CAPRIN2: variants seen among roughly 807,000 people sequenced by gnomAD.
CAPRIN2 encodes the protein caprin-2.
In CAPRIN2, 66 loss-of-function variants were observed where a neutral mutation model predicts 130.4. The ratio of observed to expected loss-of-function variants is 0.51; its 90% CI spans 0.42 to 0.62. CAPRIN2 has a LOEUF of 0.62. Among genes scored for constraint, CAPRIN2 ranks in the 20% least tolerant of loss-of-function variants. CAPRIN2 has a pLI of 0.00. For synonymous variants in CAPRIN2, 471 were observed against 444.1 expected (o/e 1.06, Z -0.76); for missense variants, 1,185 against 1,246.6 (o/e 0.95, Z 0.74).
At chr12:30,711,297 T>A (rs1394202048) in intron 16 of CAPRIN2, among the ~76,000 whole-genome samples, 1 of 152,208 alleles carries the variant, frequency 6.6e-6, no homozygotes, top group Non-Finnish European at 1.5e-5. Flanking sequence ...GAAATCAGCA[T>A]AGTGAATATA....
intron 2 of CAPRIN2, among the ~76,000 whole-genome samples, chr12:30,749,842 T>C (rs2072823601): frequency 6.6e-6 from 1 of 152,210 alleles, no homozygotes; most frequent in Non-Finnish European, 1.5e-5. Flanking sequence ...AAGCAACATG[T>C]GGCTATAAAG....
chr12:30,725,455 C>T (rs1345791685), intron 9 of CAPRIN2, among the ~76,000 whole-genome samples: 1 of 152,184 alleles, frequency 6.6e-6, no homozygotes, highest in Non-Finnish European at 1.5e-5. Context: ...TACTTTAGCC[C>T]TCAGTAATCT....
intron 5 of CAPRIN2, among the ~76,000 whole-genome samples, chr12:30,733,152 A>C (rs1215994696): frequency 6.6e-6 from 1 of 152,136 alleles, no homozygotes; most frequent in Non-Finnish European, 1.5e-5. Flanking sequence ...CATTTGGCCA[A>C]AGTCTATTTA....
At chr12:30,731,610 A>G (rs2062714076) in intron 5 of CAPRIN2, 100 bp from the exon 7 acceptor site, 1 of 925,326 alleles carries the variant, frequency 1.1e-6, no homozygotes, top group African/African-American at 1.7e-5. Context: ...CATTGTTACA[A>G]TAGTTTACAT....
exon 6 of CAPRIN2, chr12:30,731,436 C>T (rs746774720): frequency 1.2e-6 from 2 of 1,612,864 alleles, no homozygotes; most frequent in African/African-American, 2.7e-5. Context: ...TTTTCCTTGG[C>T]ATTTTTGGGA....
At chr12:30,721,229 G>C (rs899720874) in intron 11 of CAPRIN2, among the ~76,000 whole-genome samples, 1 of 152,126 alleles carries the variant, frequency 6.6e-6, no homozygotes, top group Non-Finnish European at 1.5e-5. Context: ...GTCCAGGCCT[G>C]GTCACCAAAA....
At chr12:30,728,718 C>T in exon 8 of CAPRIN2, 1 of 1,614,106 alleles carries the variant, frequency 6.2e-7, no homozygotes, top group Non-Finnish European at 8.5e-7. Flanking sequence ...TGTAGCTACT[C>T]CCCAGGACTT....
chr12:30,728,750 T>C lies in CAPRIN2; in HGVS notation c.1680A>G (p.Thr560=), dbSNP rs2061688160. 6.2e-6 allele frequency: 10 copies of C among 1,614,172 alleles called. No homozygotes were observed. In the East Asian group the frequency reaches 2.0e-4, roughly 32 times the overall value. Residue 560 remains threonine, a synonymous_variant, in exon 8 of 17, where the codon ACA becomes ACG. Coordinates refer to ENST00000298892, the Ensembl canonical transcript of CAPRIN2. ...ACTTTGGAGAAATCTGTGACTGTGA[T>C]GTTAAAGAGTGTTTTTGACTCTCAA...
At position 30,729,099 on chromosome 12, in the gene CAPRIN2, T is replaced by C. The variant is rs1212415621; in HGVS notation, c.1331A>G (p.Gln444Arg). ...AGTAGACCTGAGTTTTGAGGTGTCT[T>C]GTTTCCTCTGTTCTAAGGAAACTGC... The change falls in exon 8 of 17, where the codon CAA (glutamine) becomes CGA (arginine). Residue 444 changes from glutamine (Q) to arginine (R), a missense_variant. By Grantham distance (43) the Gln-to-Arg change is conservative. Around this residue, in one of 2 missense-constraint regions of CAPRIN2, gnomAD observed 1,104 missense variants for 1,104.3 expected, o/e 1.00. Coordinates refer to ENST00000298892, the Ensembl canonical transcript of CAPRIN2. 5 of 1,614,062 alleles carry C rather than the reference T, an allele frequency of 3.1e-6. No individual in the cohort carries two copies. Among genetic ancestry groups the C allele is most frequent in the Non-Finnish European group, 3.4e-6 (4 of 1,180,034 alleles).
At chr12:30,737,698 C>G (rs1006601310) in intron 3 of CAPRIN2, among the ~76,000 whole-genome samples, 1 of 151,008 alleles carries the variant, frequency 6.6e-6, no homozygotes, top group Non-Finnish European at 1.5e-5. Flanking sequence ...CCCGGGTTCA[C>G]GCCATTCTCC....
chr12:30,753,337 AAGTTAC>A lies in CAPRIN2; in HGVS notation c.420+1_420+6del. The stretch of plus-strand genomic sequence containing the variant: ...TGCATCTACAGGACTGGAAGAAAAA[AAGTTAC>A]CTTCTTTTTCTCGATGTTTCTAATT... On this transcript the variant is annotated splice_donor_variant and splice_donor_5th_base_variant and intron_variant, in intron 1 of 16. Transcript: ENST00000298892. LOFTEE classifies it high-confidence loss of function. 6.3e-7 allele frequency: 1 copy of A among 1,598,910 alleles called. No homozygotes were observed. Among genetic ancestry groups the A allele is most frequent in the Non-Finnish European group, 8.5e-7 (1 of 1,171,416 alleles).
At chr12:30,736,946 G>GGA (rs2138629016) in intron 3 of CAPRIN2, among the ~76,000 whole-genome samples, 1 of 152,306 alleles carries the variant, frequency 6.6e-6, no homozygotes, top group Non-Finnish European at 1.5e-5. Context: ...TCCCAAGGTA[G>GGA]GACTGGGTGG....
At chr12:30,749,258 A>G (rs952945725) in intron 2 of CAPRIN2, among the ~76,000 whole-genome samples, 7 of 152,202 alleles carry the variant, frequency 4.6e-5, no homozygotes, top group African/African-American at 1.7e-4. Flanking sequence ...AAATGGAGTC[A>G]AAATGTCAAA....
At chr12:30,747,463 T>TG (rs1272938620) in intron 2 of CAPRIN2, among the ~76,000 whole-genome samples, 3 of 151,982 alleles carry the variant, frequency 2.0e-5, no homozygotes, top group Non-Finnish European at 2.9e-5. Flanking sequence ...AGATCACCTG[T>TG]GGTCGGGAGT....
At chr12:30,734,627 GT>G (rs1400048905) in intron 4 of CAPRIN2, among the ~76,000 whole-genome samples, 3 of 152,012 alleles carry the variant, frequency 2.0e-5, no homozygotes, top group African/African-American at 7.2e-5. Context: ...TACTTTAAAA[GT>G]TTTAGAAATA....
chr12:30,720,686 G>A, intron 12 of CAPRIN2, 125 bp downstream of exon 13: 1 of 615,662 alleles, frequency 1.6e-6, no homozygotes. Flanking sequence ...AATATCTATA[G>A]AAAGCAATAC....
intron 8 of CAPRIN2, among the ~76,000 whole-genome samples, chr12:30,727,685 T>C (rs529602318): frequency 6.6e-6 from 1 of 152,364 alleles, no homozygotes; most frequent in South Asian, 2.1e-4. Context: ...TGAAACAGGT[T>C]ATTTATCCTT....
At chr12:30,717,354 C>G (rs2057954210) in intron 12 of CAPRIN2, among the ~76,000 whole-genome samples, 1 of 152,058 alleles carries the variant, frequency 6.6e-6, no homozygotes, top group Non-Finnish European at 1.5e-5. Context: ...TAGGATACCA[C>G]TAATATGAGG....
Position 30,730,330 on chromosome 12 carries a change from T to C in CAPRIN2, c.1061-48A>G. On this transcript the variant is annotated intron_variant, in intron 6 of 16. Coordinates refer to ENST00000298892, the Ensembl canonical transcript of CAPRIN2. ...AATAAATACTAGGTGAACTGTAAGTTTTTAGACAGATTACAACTATAATTC... is the reference window on the plus strand; with the variant it reads ...AATAAATACTAGGTGAACTGTAAGTCTTTAGACAGATTACAACTATAATTC... 5 of 1,286,938 alleles carry C rather than the reference T, an allele frequency of 3.9e-6. No individual in the cohort carries two copies. In the South Asian group the frequency reaches 4.8e-5, roughly 12 times the overall value. 79.7% of individuals were successfully genotyped at this position (1,286,938 alleles called of 1,614,324 possible).
Sources: gnomAD v4.1 joint callset for allele counts (sites outside exome capture counted in the v4.1 genomes callset) on GRCh38, gnomAD v4.1.1 for gene constraint, gnomAD v4.1.1 regional missense constraint, MANE v1.5 for transcripts, NCBI Gene and HGNC (gene_info 2026-07-23, HGNC 2026-07-21) for gene names.